GPR158: variants seen among roughly 807,000 people sequenced by gnomAD.
GPR158 encodes metabotropic glycine receptor.
A neutral mutation model predicts 78.2 loss-of-function variants in GPR158; 30 were observed. The ratio of observed to expected loss-of-function variants is 0.38; its 90% CI spans 0.29 to 0.52. The LOEUF (loss-of-function observed/expected upper bound fraction) is 0.52. GPR158 is among the 20% of genes least tolerant of loss of function. GPR158 has a pLI of 0.83. For synonymous variants in GPR158, 581 were observed against 591.1 expected, an observed-to-expected ratio of 0.98 and a Z score of 0.25; for missense variants, 1,463 against 1,523.5, an observed-to-expected ratio of 0.96 and a Z score of 0.66.
chr10:25,594,215 A>C, intron 8 of GPR158, 77 bp from the exon 9 acceptor site: 2 of 782,666 alleles, frequency 2.6e-6, no homozygotes, highest in Non-Finnish European at 4.5e-6. Flanking sequence ...ATGAGGAAAA[A>C]AGAGTTCCCA....
At chr10:25,393,904 T>G (rs2130525953) in intron 2 of GPR158, 1 of 152,344 alleles carries the variant, frequency 6.6e-6, no homozygotes. Flanking sequence ...TTATCTAATC[T>G]CACGGATTTA....
chr10:25,572,311 T>G (rs1475477061), intron 6 of GPR158, among the ~76,000 whole-genome samples: 2 of 152,198 alleles, frequency 1.3e-5, no homozygotes, highest in African/African-American at 4.8e-5. Context: ...TGAGCAATAC[T>G]GTTTCTGAAT....
Position 25,176,473 on chromosome 10 carries a change from G to A in GPR158, c.902+151G>A. The A allele has an allele frequency of 3.0e-6, 2 of 664,974 alleles. No individual in the cohort carries two copies. The highest frequency in any genetic ancestry group is 4.8e-6 in the Non-Finnish European group (2 of 413,658). 41.2% of individuals were successfully genotyped at this position (664,974 alleles called of 1,614,324 possible). A position where few individuals can be genotyped will look rare whatever the true frequency, so the allele number is the denominator to read the frequency against. ...AGACCCGGGCTGAGGGACACCCCAC[G>A]CGGGCGCGGGTGCTTGGGGGCAAGA... On this transcript the variant is annotated intron_variant, in intron 1 of 10. Coordinates refer to ENST00000376351, the MANE Select transcript of GPR158 (RefSeq NM_020752.3). The surrounding 1 kb of genome is among the most constrained non-coding windows in gnomAD (Gnocchi z 6.3).
intron 6 of GPR158, among the ~76,000 whole-genome samples, chr10:25,562,039 TTTTG>T: frequency 6.6e-6 from 1 of 151,698 alleles, no homozygotes; most frequent in South Asian, 2.1e-4. Context: ...TTTTTTTTTT[TTTTG>T]CAAGAAAGAG....
At chr10:25,282,408 C>G (rs1564410045) in intron 2 of GPR158, among the ~76,000 whole-genome samples, 1 of 152,130 alleles carries the variant, frequency 6.6e-6, no homozygotes, top group African/African-American at 2.4e-5. Flanking sequence ...TTTACAGTTT[C>G]TTAACAATTA....
intron 1 of GPR158, among the ~76,000 whole-genome samples, chr10:25,181,519 G>A (rs1212355360): frequency 6.6e-6 from 1 of 152,116 alleles, no homozygotes; most frequent in Non-Finnish European, 1.5e-5. Flanking sequence ...GATGGGTCAT[G>A]GTAGAAATAC....
intron 2 of GPR158, among the ~76,000 whole-genome samples, chr10:25,283,871 T>A (rs931922337): frequency 4.6e-5 from 7 of 152,074 alleles, no homozygotes; most frequent in Admixed American, 4.6e-4. Flanking sequence ...AGTTCATTTA[T>A]AGTCCCATAG....
At chr10:25,590,222 A>G (rs566336735) in intron 8 of GPR158, among the ~76,000 whole-genome samples, 34 of 152,234 alleles carry the variant, frequency 2.2e-4, no homozygotes, top group Non-Finnish European at 3.7e-4. Context: ...TACAGCCTAC[A>G]CTTTTAAAAC....
At chr10:25,411,791 CG>C (rs769418393) in intron 3 of GPR158, among the ~76,000 whole-genome samples, 1 of 151,532 alleles carries the variant, frequency 6.6e-6, no homozygotes, top group Non-Finnish European at 1.5e-5. Flanking sequence ...AAAAATTAGC[CG>C]GGCGTGGTGG....
At chr10:25,250,792 G>C (rs1301721597) in intron 2 of GPR158, among the ~76,000 whole-genome samples, 1 of 148,322 alleles carries the variant, frequency 6.7e-6, no homozygotes, top group Non-Finnish European at 1.5e-5. Flanking sequence ...ATATTCTGTT[G>C]ATTTGGGGTG....
At chr10:25,204,742 T>C (rs984240881) in intron 1 of GPR158, among the ~76,000 whole-genome samples, 3 of 152,068 alleles carry the variant, frequency 2.0e-5, no homozygotes, top group African/African-American at 4.8e-5. Flanking sequence ...TGTCAGGCTT[T>C]GGTATCAGAA....
At chr10:25,496,523 T>A (rs535465090) in intron 5 of GPR158, among the ~76,000 whole-genome samples, 1 of 152,290 alleles carries the variant, frequency 6.6e-6, no homozygotes, top group South Asian at 2.1e-4. Flanking sequence ...TCTGGGGAGT[T>A]TTAAAGTTAG....
chr10:25,257,250 C>A (rs181619636), intron 2 of GPR158, among the ~76,000 whole-genome samples: 72 of 152,304 alleles, frequency 4.7e-4, no homozygotes, highest in Middle Eastern at 6.8e-3. Flanking sequence ...GTAATAGGAG[C>A]ATTAATCCAT....
At chr10:25,594,574 T>A (rs1269234198) in intron 9 of GPR158, among the ~76,000 whole-genome samples, 177 bp downstream of exon 9, 1 of 152,166 alleles carries the variant, frequency 6.6e-6, no homozygotes, top group Non-Finnish European at 1.5e-5. Flanking sequence ...TCTTAAATAA[T>A]TTTTAAATGC....
chr10:25,553,577 C>T (rs1836752291), intron 6 of GPR158, among the ~76,000 whole-genome samples: 1 of 152,140 alleles, frequency 6.6e-6, no homozygotes, highest in Admixed American at 6.6e-5. Flanking sequence ...GAAGGACCAG[C>T]TGAACCAGCT....
intron 5 of GPR158, among the ~76,000 whole-genome samples, chr10:25,506,003 GCTTT>G (rs138923318): frequency 0.015 from 2,235 of 152,232 alleles, 57 homozygotes; most frequent in African/African-American, 0.051. Flanking sequence ...GCAGGTCTTA[GCTTT>G]CTTTGTGGTC....
intron 5 of GPR158, among the ~76,000 whole-genome samples, chr10:25,530,022 T>C (rs1353567686): frequency 6.6e-6 from 1 of 152,160 alleles, no homozygotes; most frequent in Non-Finnish European, 1.5e-5. Flanking sequence ...ACTGAAAATG[T>C]CTAGACTCAT....
At chr10:25,443,554 CAAAA>C (rs67094533) in intron 4 of GPR158, among the ~76,000 whole-genome samples, 114 of 107,578 alleles carry the variant, frequency 1.1e-3, no homozygotes, top group Non-Finnish European at 1.8e-3. Flanking sequence ...GAGACTGTTT[CAAAA>C]AAAAAAAAAA....
At chr10:25,380,081 CT>C (rs1341333443) in intron 2 of GPR158, among the ~76,000 whole-genome samples, 1 of 151,848 alleles carries the variant, frequency 6.6e-6, no homozygotes, top group Non-Finnish European at 1.5e-5. Context: ...CAGTTTTGTT[CT>C]TTTTTTCCCT....
Sources: gnomAD v4.1 joint callset for allele counts (sites outside exome capture counted in the v4.1 genomes callset) on GRCh38, gnomAD v4.1.1 for gene constraint, Gnocchi (gnomAD v3.1) non-coding constraint, MANE v1.5 for transcripts, NCBI Gene and HGNC (gene_info 2026-07-23, HGNC 2026-07-21) for gene names.